The following DOK6 variants were observed in gnomAD, a reference collection of about 807,000 sequenced individuals.
DOK6 encodes downstream of tyrosine kinase 6.
Under a neutral mutation model 44.0 loss-of-function variants are expected in DOK6, and 22 were observed. The observed-to-expected ratio is 0.50, with a 90% CI of 0.36 to 0.71. DOK6 has a LOEUF of 0.71. Ranked by LOEUF, DOK6 falls within the 30% of genes least tolerant of loss-of-function variation. The pLI, the probability that DOK6 is intolerant of heterozygous loss-of-function variation, is 0.00. For missense variants in DOK6, 340 were observed against 416.4 expected (o/e 0.82, Z 1.60); for synonymous variants, 166 against 145.5 (o/e 1.14, Z -1.01).
Position 69,623,302 on chromosome 18 carries a change from G to A in DOK6, c.289+23804G>A, listed in dbSNP as rs1359109761. On this transcript the variant is annotated intron_variant, in intron 3 of 7. Transcript: ENST00000382713. ...TTCTTTACAGATTACCCAGTCTCAGGTAGTTCTTTACAGCATTGCAAGAAC... is the reference window on the plus strand; with the variant it reads ...TTCTTTACAGATTACCCAGTCTCAGATAGTTCTTTACAGCATTGCAAGAAC... 2.6e-5 allele frequency among the ~76,000 whole-genome samples: 4 copies of A among 151,998 alleles called. 1 individual carries two copies. Among genetic ancestry groups the A allele is most frequent in the Admixed American group, 2.6e-4 (4 of 15,250 alleles).
Position 69,700,206 on chromosome 18 carries a change from C to CATATATATACATATATAT in DOK6, c.599+1623_599+1640dup, listed in dbSNP as rs1555724858. On this transcript the variant is annotated intron_variant, in intron 5 of 7. Transcript: ENST00000382713. ...AGTCAAACCATATCAGTTAGTTTTA[C>CATATATATACATATATAT]ATATATATACATATATATATATATA... Among the ~76,000 whole-genome samples, 20 of 72,102 alleles carry CATATATATACATATATAT rather than the reference C, an allele frequency of 2.8e-4. 2 individuals are homozygous for CATATATATACATATATAT. Among genetic ancestry groups the CATATATATACATATATAT allele is most frequent in the Admixed American group, 2.2e-3 (16 of 7,166 alleles). The allele number at this position is 72,102 out of a possible 152,430, so 47.3% of individuals were successfully genotyped here. A position where few individuals can be genotyped will look rare whatever the true frequency, so the allele number is the denominator to read the frequency against.
intron 1 of DOK6, among the ~76,000 whole-genome samples, chr18:69,458,232 G>T (rs948717587): frequency 6.6e-6 from 1 of 152,140 alleles, no homozygotes; most frequent in South Asian, 2.1e-4. Context: ...GGGATGCAAG[G>T]CTGGTTCAAC....
chr18:69,534,334 T>C (rs770298085), intron 1 of DOK6, among the ~76,000 whole-genome samples: 4 of 152,260 alleles, frequency 2.6e-5, no homozygotes, highest in Middle Eastern at 3.4e-3. Context: ...AAAGTGATAA[T>C]TGAATATTTT....
At chr18:69,507,392 T>A (rs1383628747) in intron 1 of DOK6, among the ~76,000 whole-genome samples, 3 of 152,168 alleles carry the variant, frequency 2.0e-5, no homozygotes, top group African/African-American at 7.2e-5. Flanking sequence ...TTGTTCTTTT[T>A]AAAAATTGTT....
intron 1 of DOK6, among the ~76,000 whole-genome samples, chr18:69,536,976 T>TATC (rs1022484710): frequency 9.4e-6 from 1 of 106,798 alleles, no homozygotes; most frequent in Middle Eastern, 4.4e-3. Context: ...ACAGAAGATT[T>TATC]ATCATTATTA....
chr18:69,642,322 G>A (rs114399522), intron 3 of DOK6, among the ~76,000 whole-genome samples: 4 of 152,090 alleles, frequency 2.6e-5, no homozygotes, highest in African/African-American at 7.2e-5. Flanking sequence ...GACCTATAGC[G>A]ATTTTTATTT....
chr18:69,505,571 C>G (rs952107986), intron 1 of DOK6, among the ~76,000 whole-genome samples: 1 of 140,954 alleles, frequency 7.1e-6, no homozygotes, highest in Non-Finnish European at 1.5e-5. Flanking sequence ...AATCTCGGCT[C>G]ACTGCAACCT....
At chr18:69,785,561 T>C (rs745674779) in intron 7 of DOK6, among the ~76,000 whole-genome samples, 2 of 152,174 alleles carry the variant, frequency 1.3e-5, no homozygotes, top group Non-Finnish European at 2.9e-5. Flanking sequence ...TCCCCTAAAT[T>C]GTACCAGTTA....
intron 7 of DOK6, among the ~76,000 whole-genome samples, chr18:69,810,997 C>T (rs1211418987): frequency 6.6e-6 from 1 of 152,022 alleles, no homozygotes; most frequent in Admixed American, 6.6e-5. Flanking sequence ...TATATCCATA[C>T]TGTCATGCTT....
chr18:69,554,086 C>T (rs1982630914), intron 1 of DOK6, among the ~76,000 whole-genome samples: 1 of 152,142 alleles, frequency 6.6e-6, no homozygotes, highest in Non-Finnish European at 1.5e-5. Flanking sequence ...TCTGCATAAA[C>T]TTCAACATGT....
At chr18:69,646,618 T>C (rs998146686) in intron 3 of DOK6, among the ~76,000 whole-genome samples, 11 of 152,178 alleles carry the variant, frequency 7.2e-5, no homozygotes, top group African/African-American at 2.4e-4. Flanking sequence ...GAAGGGCTGG[T>C]AGCTAAACTT....
At position 69,841,976 on chromosome 18, in the gene DOK6, G is replaced by GTGTGTGTGTA. The variant is rs1277311168; in HGVS notation, c.*598_*599insGTGTATGTGT. On this transcript the variant is annotated 3_prime_UTR_variant, in exon 8 of 8. Transcript: ENST00000382713. ...TGTGTGTGTGTGCGTGTGTGTGTGT[G>GTGTGTGTGTA]TGTGTAGACAAATGGATATTGCTAT... is the stretch of plus-strand genomic sequence containing the variant. 3 of 153,184 alleles carry GTGTGTGTGTA rather than the reference G, an allele frequency of 2.0e-5. No individual in the cohort carries two copies. Among genetic ancestry groups the GTGTGTGTGTA allele is most frequent in the African/African-American group, 7.2e-5 (3 of 41,482 alleles). 9.5% of individuals were successfully genotyped at this position (153,184 alleles called of 1,614,324 possible). A position where few individuals can be genotyped will look rare whatever the true frequency, so the allele number is the denominator to read the frequency against.
At chr18:69,435,829 G>A (rs936050560) in intron 1 of DOK6, among the ~76,000 whole-genome samples, 4 of 151,418 alleles carry the variant, frequency 2.6e-5, no homozygotes, top group African/African-American at 4.9e-5. Flanking sequence ...TCCCTCTTTC[G>A]TTTTTATCCC....
chr18:69,470,572 A>ACCC (rs1980069659), intron 1 of DOK6, among the ~76,000 whole-genome samples: 1 of 151,964 alleles, frequency 6.6e-6, no homozygotes, highest in Admixed American at 6.6e-5. Context: ...ATCCCACCCC[A>ACCC]GGAGACTCAC....
intron 1 of DOK6, among the ~76,000 whole-genome samples, chr18:69,485,668 A>G (rs1980555145): frequency 6.6e-6 from 1 of 152,126 alleles, no homozygotes; most frequent in Non-Finnish European, 1.5e-5. Flanking sequence ...GTTTATGTCT[A>G]AGGGATTCTA....
chr18:69,587,021 T>C (rs1408492247), intron 2 of DOK6, among the ~76,000 whole-genome samples: 2 of 152,222 alleles, frequency 1.3e-5, no homozygotes, highest in Non-Finnish European at 2.9e-5. Flanking sequence ...AATATCTTAC[T>C]GGAGAAATGG....
rs71176965 is a variant in DOK6, at chr18:69,435,025, G to GGGAAGGAA, written c.66+33776_66+33783dup. Among the ~76,000 whole-genome samples, 182 of 72,304 alleles carry GGGAAGGAA rather than the reference G, an allele frequency of 2.5e-3. 1 individual carries two copies. Among genetic ancestry groups the GGGAAGGAA allele is most frequent in the African/African-American group, 8.6e-3 (167 of 19,408 alleles). 47.4% of individuals were successfully genotyped at this position (72,304 alleles called of 152,430 possible). On this transcript the variant is annotated intron_variant, in intron 1 of 7. Coordinates refer to ENST00000382713, the MANE Select transcript of DOK6 (RefSeq NM_152721.6). ...GAAGAAAGATTAGTGTAGGGAGGGAGGGAAGGAAGGAAGGAAGGAAGGAAG... is the reference window on the plus strand; with the variant it reads ...GAAGAAAGATTAGTGTAGGGAGGGAGGGAAGGAAGGAAGGAAGGAAGGAAGGAAGGAAG...
intron 1 of DOK6, among the ~76,000 whole-genome samples, chr18:69,551,283 G>A (rs1019168869): frequency 2.0e-5 from 3 of 152,128 alleles, no homozygotes; most frequent in Non-Finnish European, 2.9e-5. Flanking sequence ...TTTAGGCATC[G>A]TGAAGCTTGT....
chr18:69,590,292 G>C lies in DOK6; in HGVS notation c.175-9092G>C, dbSNP rs945816835. Among the ~76,000 whole-genome samples the C allele has an allele frequency of 3.9e-5, 6 of 152,136 alleles. No individual in the cohort carries two copies. In the East Asian group the frequency reaches 1.2e-3, roughly 29 times the overall value. On this transcript the variant is annotated intron_variant, in intron 2 of 7. Coordinates refer to ENST00000382713, the MANE Select transcript of DOK6 (RefSeq NM_152721.6). ...ATTTCATAATGAGCCAGAAGCATCT[G>C]AGTTTAGATCAAATTGCCAAGTTCT...
Sources: gnomAD v4.1 joint callset for allele counts (sites outside exome capture counted in the v4.1 genomes callset) on GRCh38, gnomAD v4.1.1 for gene constraint, MANE v1.5 for transcripts, NCBI Gene and HGNC (gene_info 2026-07-23, HGNC 2026-07-21) for gene names.